The following RGS7 variants were observed in gnomAD, a reference collection of about 807,000 sequenced individuals.
RGS7 encodes the protein regulator of G-protein signaling 7.
A neutral mutation model predicts 81.1 loss-of-function variants in RGS7; 27 were observed. The ratio of observed to expected loss-of-function variants is 0.33; its 90% confidence interval spans 0.25 to 0.46. The LOEUF (loss-of-function observed/expected upper bound fraction) is 0.46. RGS7 is among the 20% of genes least tolerant of loss of function. RGS7 has a pLI of 1.00. For synonymous variants in RGS7, 208 were observed against 207.7 expected (o/e 1.00, Z -0.01); for missense variants, 396 against 607.4 (o/e 0.65, Z 3.66).
rs11274117 is a variant in RGS7 at position 241,235,909 on chromosome 1, T to TGAGAGAGAAAGAGAGAGAGA, written c.78+119789_78+119790insTCTCTCTCTCTTTCTCTCTC. Among the ~76,000 whole-genome samples the TGAGAGAGAAAGAGAGAGAGA allele has an allele frequency of 8.7e-3, 1,206 of 137,974 alleles. 37 individuals are homozygous for TGAGAGAGAAAGAGAGAGAGA. Among genetic ancestry groups the TGAGAGAGAAAGAGAGAGAGA allele is most frequent in the African/African-American group, 0.016 (607 of 38,814 alleles). The allele number at this position is 137,974 out of a possible 152,430, so 90.5% of individuals were successfully genotyped here. On this transcript the variant is annotated intron_variant, in intron 2 of 18. Transcript: ENST00000440928. ...GGGTGAACCCCTAGGAGATGCACTT[T>TGAGAGAGAAAGAGAGAGAGA]GAGAGAGAGAGAGAGAGAGAGAGAA...
intron 2 of RGS7, among the ~76,000 whole-genome samples, chr1:241,220,978 GA>G (rs1444600438): frequency 2.6e-5 from 2 of 75,968 alleles, no homozygotes; most frequent in African/African-American, 8.8e-5. Context: ...AGGAAGGAAG[GA>G]AGGAAGGAAG....
chr1:241,151,608 T>C (rs976078961), intron 2 of RGS7, among the ~76,000 whole-genome samples: 1 of 148,266 alleles, frequency 6.7e-6, no homozygotes, highest in Non-Finnish European at 1.5e-5. Context: ...CTGGGTTACA[T>C]GTGCAGAACG....
chr1:240,893,527 G>T (rs1668584904), intron 6 of RGS7, among the ~76,000 whole-genome samples: 1 of 151,736 alleles, frequency 6.6e-6, no homozygotes, highest in Admixed American at 6.6e-5. Flanking sequence ...TTTAGGAATA[G>T]GTCTTAATAT....
intron 3 of RGS7, among the ~76,000 whole-genome samples, chr1:241,026,537 C>T (rs895365761): frequency 4.6e-5 from 7 of 151,568 alleles, no homozygotes; most frequent in African/African-American, 7.3e-5. Flanking sequence ...TGCAGTGAGC[C>T]GAGATCGCGC....
At chr1:240,906,518 C>A (rs71648637) in intron 6 of RGS7, among the ~76,000 whole-genome samples, 4,727 of 152,258 alleles carry the variant, frequency 0.031, 97 homozygotes, top group Admixed American at 0.051. Context: ...GAAAAACATG[C>A]CTAAAACAGA....
At chr1:241,010,110 C>T (rs2058884250) in intron 3 of RGS7, among the ~76,000 whole-genome samples, 1 of 152,086 alleles carries the variant, frequency 6.6e-6, no homozygotes, top group Non-Finnish European at 1.5e-5. Context: ...GTGCAGAAAA[C>T]CAACATGGCA....
At chr1:240,913,598 T>C (rs536994966) in intron 6 of RGS7, among the ~76,000 whole-genome samples, 49 of 152,306 alleles carry the variant, frequency 3.2e-4, no homozygotes, top group South Asian at 1.4e-3. Flanking sequence ...TTTGCTAAAA[T>C]GGGTTTTGTT....
chr1:241,283,093 A>C (rs1253610553), intron 2 of RGS7, among the ~76,000 whole-genome samples: 1 of 152,176 alleles, frequency 6.6e-6, no homozygotes, highest in African/African-American at 2.4e-5. Context: ...TTTTTATAAA[A>C]AGCTGTCTTA....
rs147648679 is a variant in RGS7, at chr1:240,779,260, G to A, written c.*7-3047C>T. On this transcript the variant is annotated intron_variant, in intron 18 of 18. Coordinates refer to ENST00000440928, the MANE Select transcript of RGS7 (RefSeq NM_001364886.1). Reference sequence around the variant, plus strand: ...ATTGCTTGAGTTGCTGGGTTCAAGCGATTCTCCTACCTCAGCCTCCTGAGT... The same window carrying A: ...ATTGCTTGAGTTGCTGGGTTCAAGCAATTCTCCTACCTCAGCCTCCTGAGT... Among the ~76,000 whole-genome samples, 482 of 151,860 alleles carry A rather than the reference G, an allele frequency of 3.2e-3. 3 individuals are homozygous for A. The highest frequency in any genetic ancestry group is 0.01 in the Middle Eastern group (3 of 294).
intron 2 of RGS7, among the ~76,000 whole-genome samples, chr1:241,290,698 T>C (rs147767149): frequency 2.0e-5 from 3 of 152,324 alleles, no homozygotes; most frequent in Admixed American, 6.5e-5. Flanking sequence ...TAGTTTGGCA[T>C]GGGTTTGGAT....
intron 4 of RGS7, among the ~76,000 whole-genome samples, chr1:240,965,259 T>C (rs1298706236): frequency 6.6e-6 from 1 of 152,230 alleles, no homozygotes; most frequent in Non-Finnish European, 1.5e-5. Flanking sequence ...CCCTTTATGA[T>C]GCTGGAGAAT....
rs1402421968 is a variant in RGS7, at chr1:240,963,301, AG to A, written c.226+19777del. ...TCTATAGCAGACAAGACAGTTGGCC[AG>A]GAGCTCAGAAGAGAGTCCAGAGGTA... On this transcript the variant is annotated intron_variant, in intron 4 of 18. Transcript: ENST00000440928. Among the ~76,000 whole-genome samples, 3 of 152,226 alleles carry A rather than the reference AG, an allele frequency of 2.0e-5. 1 individual carries two copies. The highest frequency in any genetic ancestry group is 2.9e-5 in the Non-Finnish European group (2 of 68,048).
chr1:240,909,230 A>C (rs1671331918), intron 6 of RGS7, among the ~76,000 whole-genome samples: 1 of 152,194 alleles, frequency 6.6e-6, no homozygotes, highest in African/African-American at 2.4e-5. Context: ...GTTTGTTATA[A>C]GTTGTTTGGT....
chr1:240,853,900 CAAAAAAAAAA>C (rs35471716), intron 9 of RGS7, among the ~76,000 whole-genome samples: 10 of 22,240 alleles, frequency 4.5e-4, no homozygotes, highest in Non-Finnish European at 7.6e-4. Flanking sequence ...GACTCCGTCT[CAAAAAAAAAA>C]AAAAAAAAAA....
At chr1:240,814,191 G>T (rs141791250) in intron 12 of RGS7, among the ~76,000 whole-genome samples, 1 of 152,218 alleles carries the variant, frequency 6.6e-6, no homozygotes, top group Admixed American at 6.5e-5. Flanking sequence ...TTTAAAAAGG[G>T]AGAAGGGAAA....
intron 9 of RGS7, among the ~76,000 whole-genome samples, chr1:240,855,308 C>CAAAAAAAAAA (rs758331434): frequency 3.3e-3 from 49 of 14,894 alleles, no homozygotes; most frequent in African/African-American, 8.8e-3. Flanking sequence ...GACCATGTCT[C>CAAAAAAAAAA]AAAAAAAAAA....
rs116248121 is a variant in RGS7, at chr1:240,926,458, G to A, written c.385+4259C>T. Reference sequence around the variant, plus strand: ...AAAGATCATATGGTTATAGATGTGCGGCTTTACTTTTGGGCTCTCAATTCT... The same window carrying A: ...AAAGATCATATGGTTATAGATGTGCAGCTTTACTTTTGGGCTCTCAATTCT... On this transcript the variant is annotated intron_variant, in intron 6 of 18. Coordinates refer to ENST00000440928, the MANE Select transcript of RGS7 (RefSeq NM_001364886.1). Among the ~76,000 whole-genome samples the A allele has an allele frequency of 5.6e-3, 853 of 152,154 alleles. 10 individuals carry two copies. The highest frequency in any genetic ancestry group is 0.019 in the African/African-American group (808 of 41,502).
At chr1:241,292,462 T>A (rs1273130258) in intron 2 of RGS7, among the ~76,000 whole-genome samples, 3 of 152,156 alleles carry the variant, frequency 2.0e-5, no homozygotes, top group South Asian at 4.1e-4. Context: ...GGGCGGCTTG[T>A]GTAGTGTAGT....
chr1:240,833,062 A>G (rs747731708), intron 9 of RGS7, among the ~76,000 whole-genome samples: 4 of 152,220 alleles, frequency 2.6e-5, no homozygotes, highest in Non-Finnish European at 4.4e-5. Context: ...AACTAATAAT[A>G]AAATAGAAAA....
Sources: gnomAD v4.1 joint callset for allele counts (sites outside exome capture counted in the v4.1 genomes callset) on GRCh38, gnomAD v4.1.1 for gene constraint, MANE v1.5 for transcripts, NCBI Gene and HGNC (gene_info 2026-07-23, HGNC 2026-07-21) for gene names.